Variants in CPD observed in about 807,000 individuals in gnomAD.
CPD encodes metallocarboxypeptidase D.
In CPD, 69 loss-of-function variants were observed where a neutral mutation model predicts 138.3. The ratio of observed to expected loss-of-function variants is 0.50; its 90% CI spans 0.41 to 0.61. CPD has a LOEUF of 0.61. Among genes scored for constraint, CPD ranks in the 20% least tolerant of loss-of-function variants. The probability of loss-of-function intolerance (pLI) is 0.00; values close to 1 mark genes in which losing one functional copy is unlikely to be tolerated. For missense variants in CPD, 1,432 were observed against 1,733.3 expected, an observed-to-expected ratio of 0.83 and a Z score of 3.09; for synonymous variants, 651 against 642.1, an observed-to-expected ratio of 1.01 and a Z score of -0.21.
rs1220089824 is a variant in CPD, at chr17:30,379,509, T to C, written c.529T>C (p.Tyr177His). 1.3e-6 allele frequency: 2 copies of C among 1,572,676 alleles called. No individual in the cohort carries two copies. Among genetic ancestry groups the C allele is most frequent in the Middle Eastern group, 3.4e-4 (2 of 5,934 alleles). Residue 177 changes from tyrosine (Y) to histidine (H), a missense_variant, in exon 1 of 21, where the codon TAC (tyrosine) becomes CAC (histidine). By Grantham distance (83) the Tyr-to-His change is moderately conservative (BLOSUM62 2). Coordinates refer to ENST00000225719, the MANE Select transcript of CPD (RefSeq NM_001304.5). This position sits in a 1 kb window ranked among gnomAD's most constrained non-coding sequence, Gnocchi z 7.0. ...LVRLLNTTDV[Y>H]LLPSLNPDGF... ...CCGCCTGCTCAACACCACCGACGTG[T>C]ACCTGCTGCCCAGCCTCAACCCCGA...
At chr17:30,392,767 A>G (rs1412893462) in intron 2 of CPD, among the ~76,000 whole-genome samples, 3 of 152,198 alleles carry the variant, frequency 2.0e-5, no homozygotes, top group Admixed American at 2.0e-4. Context: ...TTTTCCTCCC[A>G]ACTTGTTTAT....
At chr17:30,463,566 G>T (rs1913551774) in intron 20 of CPD, among the ~76,000 whole-genome samples, 1 of 152,140 alleles carries the variant, frequency 6.6e-6, no homozygotes. Context: ...ATTACTGAAA[G>T]GTTAGGAAGG....
At chr17:30,461,629 G>T (rs2143512576) in intron 18 of CPD, among the ~76,000 whole-genome samples, 1 of 152,266 alleles carries the variant, frequency 6.6e-6, no homozygotes. Context: ...AATGCTTCAG[G>T]CTATGACAAT....
At chr17:30,422,544 CTCTT>C (rs1310589404) in intron 4 of CPD, 126 bp from the exon 5 acceptor site, 33 of 606,328 alleles carry the variant, frequency 5.4e-5, no homozygotes, top group Admixed American at 4.9e-4. Context: ...TTACACATCT[CTCTT>C]TATTTAGTTT....
intron 2 of CPD, among the ~76,000 whole-genome samples, chr17:30,418,158 T>C (rs990793215): frequency 1.3e-5 from 2 of 151,584 alleles, no homozygotes; most frequent in African/African-American, 4.8e-5. Flanking sequence ...CATAGACCCA[T>C]AATATCTCTA....
rs985454927 is a variant in CPD at position 30,468,110 on chromosome 17, C to G, written c.*3296C>G. 1 of 152,404 alleles carries G rather than the reference C, an allele frequency of 6.6e-6. No individual in the cohort carries two copies. Among genetic ancestry groups the G allele is most frequent in the Non-Finnish European group, 1.5e-5 (1 of 67,988 alleles). 9.4% of individuals were successfully genotyped at this position (152,404 alleles called of 1,614,324 possible). A position where few individuals can be genotyped will look rare whatever the true frequency, so the allele number is the denominator to read the frequency against. On this transcript the variant is annotated 3_prime_UTR_variant, in exon 21 of 21. Coordinates refer to ENST00000225719, the MANE Select transcript of CPD (RefSeq NM_001304.5). ...TTGGATTTCTAGTTCATGAAGAAAT[C>G]TCTCCCAATACCCATTTATCCTATT... is the stretch of plus-strand genomic sequence containing the variant.
intron 2 of CPD, among the ~76,000 whole-genome samples, chr17:30,400,814 C>T (rs772353913): frequency 1.2e-4 from 18 of 148,814 alleles, no homozygotes; most frequent in South Asian, 8.5e-4. Context: ...CCTACCACCA[C>T]GCCCGGTTAA....
At chr17:30,458,440 A>C (rs1436374552) in intron 17 of CPD, among the ~76,000 whole-genome samples, 1 of 152,170 alleles carries the variant, frequency 6.6e-6, no homozygotes, top group Non-Finnish European at 1.5e-5. Context: ...AAGGTCATGA[A>C]GATGCCCCGC....
intron 13 of CPD, 21 bp from the exon 14 acceptor site, chr17:30,451,690 T>G (rs1465478692): frequency 6.2e-7 from 1 of 1,610,538 alleles, no homozygotes. Context: ...AGTAACTCGT[T>G]AATTTCTGTT....
rs1355540991 is a variant in CPD, at chr17:30,378,941, G to A, written c.-40G>A. ...GGGCCCCCGCCGCCCGGAGCGCTGA[G>A]CCGCGGGAGCGGAGCCGGGGTTAGC... On this transcript the variant is annotated 5_prime_UTR_variant, in exon 1 of 21. Transcript: ENST00000225719. 7 of 1,418,584 alleles carry A rather than the reference G, an allele frequency of 4.9e-6. No individual in the cohort carries two copies. Among genetic ancestry groups the A allele is most frequent in the Non-Finnish European group, 6.4e-6 (7 of 1,100,210 alleles). The allele number at this position is 1,418,584 out of a possible 1,614,324, so 87.9% of individuals were successfully genotyped here. A position where few individuals can be genotyped will look rare whatever the true frequency, so the allele number is the denominator to read the frequency against.
At chr17:30,398,654 A>C (rs1911572908) in intron 2 of CPD, among the ~76,000 whole-genome samples, 2 of 152,150 alleles carry the variant, frequency 1.3e-5, no homozygotes, top group South Asian at 4.1e-4. Context: ...CTACTTAGTT[A>C]GGATTACTTA....
intron 14 of CPD, among the ~76,000 whole-genome samples, chr17:30,452,406 G>A (rs974872731): frequency 6.6e-6 from 1 of 151,160 alleles, no homozygotes; most frequent in Non-Finnish European, 1.5e-5. Flanking sequence ...TGAATAGCTG[G>A]GATTACAGGG....
intron 2 of CPD, among the ~76,000 whole-genome samples, chr17:30,413,552 T>C (rs963032569): frequency 6.6e-6 from 1 of 152,216 alleles, no homozygotes; most frequent in Non-Finnish European, 1.5e-5. Context: ...AACATCTTAA[T>C]TTCCCATTGC....
chr17:30,446,904 A>G (rs1347343777), intron 12 of CPD, among the ~76,000 whole-genome samples: 3 of 152,086 alleles, frequency 2.0e-5, no homozygotes, highest in Admixed American at 1.3e-4. Flanking sequence ...TGTGGTTTTG[A>G]TTTGCATTCT....
At chr17:30,402,688 T>G (rs1232204683) in intron 2 of CPD, among the ~76,000 whole-genome samples, 2 of 152,238 alleles carry the variant, frequency 1.3e-5, no homozygotes, top group African/African-American at 4.8e-5. Flanking sequence ...GTCTGTTGAC[T>G]TTTTTTCTTT....
At position 30,392,612 on chromosome 17, in the gene CPD, T is replaced by A. The variant is rs189784943; in HGVS notation, c.994+7376T>A. The stretch of plus-strand genomic sequence containing the variant: ...AAAAATATGTCTGAACCCACTAATA[T>A]ATCTCACAACCCACTAATGCATGAT... On this transcript the variant is annotated intron_variant, in intron 2 of 20. Transcript: ENST00000225719. Among the ~76,000 whole-genome samples, 108 of 152,356 alleles carry A rather than the reference T, an allele frequency of 7.1e-4. 1 individual carries two copies. The highest frequency in any genetic ancestry group is 2.4e-3 in the African/African-American group (101 of 41,590).
At chr17:30,400,554 G>T (rs1438701241) in intron 2 of CPD, among the ~76,000 whole-genome samples, 3 of 150,776 alleles carry the variant, frequency 2.0e-5, no homozygotes, top group Non-Finnish European at 4.4e-5. Context: ...CTTCTCTTCT[G>T]CCTGAAGAGC....
rs778836193 is a variant in CPD, at chr17:30,442,373, G to A, written c.2296G>A (p.Val766Met). Residue 766 changes from valine (V) to methionine (M), a missense_variant, in exon 10 of 21, where the codon GTG becomes ATG. By Grantham distance (21) the Val-to-Met change is conservative. Transcript: ENST00000225719. ...CFEVTIELGC[V>M]KYPLEKELPN... ...TGAAGTGACTATTGAACTAGGTTGT[G>A]TGAAATATCCACTTGAGAAAGAGCT... 1.2e-6 allele frequency: 2 copies of A among 1,613,522 alleles called. No homozygotes were observed. Among genetic ancestry groups the A allele is most frequent in the South Asian group, 1.1e-5 (1 of 91,050 alleles).
At chr17:30,390,012 C>A (rs978746836) in intron 2 of CPD, among the ~76,000 whole-genome samples, 1 of 151,554 alleles carries the variant, frequency 6.6e-6, no homozygotes, top group Non-Finnish European at 1.5e-5. Flanking sequence ...CCCGGATGTC[C>A]TGGAGTAATT....
Sources: allele counts gnomAD v4.1 joint callset (sites outside exome capture counted in the v4.1 genomes callset), GRCh38; gene constraint gnomAD v4.1.1; non-coding constraint Gnocchi (gnomAD v3.1); transcripts MANE v1.5; gene names NCBI Gene and HGNC (gene_info 2026-07-23, HGNC 2026-07-21).